Variants in UNC5C observed in about 807,000 individuals in gnomAD.
UNC5C encodes the protein netrin receptor UNC5C.
In UNC5C, 47 loss-of-function variants were observed where a neutral mutation model predicts 99.8. The ratio of observed to expected loss-of-function variants is 0.47; its 90% confidence interval spans 0.37 to 0.60. The LOEUF is 0.60. Ranked by LOEUF, UNC5C falls within the 20% of genes least tolerant of loss-of-function variation. UNC5C has a pLI of 0.00. For missense variants in UNC5C, 1,062 were observed against 1,165.9 expected, an observed-to-expected ratio of 0.91 and a Z score of 1.30; for synonymous variants, 487 against 452.2, an observed-to-expected ratio of 1.08 and a Z score of -0.98.
At chr4:95,400,973 A>G (rs1175761305) in intron 1 of UNC5C, among the ~76,000 whole-genome samples, 1 of 152,238 alleles carries the variant, frequency 6.6e-6, no homozygotes, top group Non-Finnish European at 1.5e-5. Flanking sequence ...AATTGCCAGC[A>G]AACGGATTCT....
At chr4:95,244,316 G>A (rs1424783540) in intron 6 of UNC5C, among the ~76,000 whole-genome samples, 1 of 152,114 alleles carries the variant, frequency 6.6e-6, no homozygotes, top group Non-Finnish European at 1.5e-5. Flanking sequence ...GATTTACCTA[G>A]GGATAAGAGC....
At chr4:95,292,768 A>G (rs1438839690) in intron 3 of UNC5C, among the ~76,000 whole-genome samples, 1 of 152,218 alleles carries the variant, frequency 6.6e-6, no homozygotes, top group Non-Finnish European at 1.5e-5. Flanking sequence ...CACATTGAAT[A>G]GTATCTTCAC....
chr4:95,391,341 T>C (rs1407444011), intron 1 of UNC5C, among the ~76,000 whole-genome samples: 2 of 152,222 alleles, frequency 1.3e-5, no homozygotes, highest in Non-Finnish European at 2.9e-5. Flanking sequence ...ACTCAAGTGA[T>C]CCTTCTGCCT....
intron 1 of UNC5C, among the ~76,000 whole-genome samples, chr4:95,445,731 A>C (rs1015447664): frequency 6.6e-6 from 1 of 152,296 alleles, no homozygotes; most frequent in Non-Finnish European, 1.5e-5. Context: ...AAAAGCAATA[A>C]ATGAATTTTC....
intron 7 of UNC5C, among the ~76,000 whole-genome samples, chr4:95,227,162 T>G (rs984072347): frequency 6.6e-6 from 1 of 151,710 alleles, no homozygotes. Flanking sequence ...TTTAAATATT[T>G]ATTTCGAGAT....
intron 1 of UNC5C, among the ~76,000 whole-genome samples, chr4:95,345,590 T>G (rs1462776263): frequency 1.3e-5 from 2 of 152,118 alleles, no homozygotes; most frequent in East Asian, 1.9e-4. Context: ...TTCTCAAGGA[T>G]AGACCATGTG....
intron 1 of UNC5C, among the ~76,000 whole-genome samples, chr4:95,408,607 A>G (rs752370560): frequency 2.6e-5 from 4 of 152,214 alleles, no homozygotes; most frequent in Non-Finnish European, 5.9e-5. Flanking sequence ...TACTAACTGA[A>G]CACTGAACCG....
chr4:95,524,515 A>T (rs1722448320), intron 1 of UNC5C, among the ~76,000 whole-genome samples: 1 of 152,128 alleles, frequency 6.6e-6, no homozygotes, highest in Admixed American at 6.5e-5. Flanking sequence ...TTAAAATAAA[A>T]ATTGAGATCT....
intron 4 of UNC5C, among the ~76,000 whole-genome samples, chr4:95,259,143 C>T (rs1034821914): frequency 4.6e-5 from 7 of 152,034 alleles, no homozygotes; most frequent in Admixed American, 3.3e-4. Context: ...AAACTGAACT[C>T]TGCGATTTTG....
intron 1 of UNC5C, among the ~76,000 whole-genome samples, chr4:95,425,742 C>A (rs555534040): frequency 1.3e-5 from 2 of 152,074 alleles, no homozygotes; most frequent in Non-Finnish European, 2.9e-5. Flanking sequence ...AAAATGATTT[C>A]TTAGTAGTTA....
chr4:95,273,818 C>T (rs937687664), intron 4 of UNC5C, among the ~76,000 whole-genome samples: 2 of 152,064 alleles, frequency 1.3e-5, no homozygotes, highest in African/African-American at 4.8e-5. Flanking sequence ...GGCCTTGGTT[C>T]CTGGTCCTAG....
chr4:95,174,428 T>A (rs1191320440), intron 14 of UNC5C, among the ~76,000 whole-genome samples: 1 of 152,194 alleles, frequency 6.6e-6, no homozygotes, highest in East Asian at 1.9e-4. Context: ...GTCCCAGAGA[T>A]TCTGGTATGT....
At chr4:95,272,420 T>G (rs957987771) in intron 4 of UNC5C, among the ~76,000 whole-genome samples, 1 of 152,266 alleles carries the variant, frequency 6.6e-6, no homozygotes, top group Non-Finnish European at 1.5e-5. Flanking sequence ...TGCTTTAAAA[T>G]GCATGTTTAT....
At chr4:95,176,075 C>T (rs1736329387) in intron 14 of UNC5C, among the ~76,000 whole-genome samples, 1 of 151,442 alleles carries the variant, frequency 6.6e-6, no homozygotes, top group Non-Finnish European at 1.5e-5. Context: ...AGTTCTTGAG[C>T]CTTGGTTTTC....
At chr4:95,485,975 T>G (rs2149479702) in intron 1 of UNC5C, among the ~76,000 whole-genome samples, 1 of 151,816 alleles carries the variant, frequency 6.6e-6, no homozygotes, top group East Asian at 2.0e-4. Context: ...TGACATAAAA[T>G]GATTTTATAA....
Position 95,168,638 on chromosome 4 carries a change from G to A in UNC5C, c.*596C>T, listed in dbSNP as rs1175572753. On this transcript the variant is annotated 3_prime_UTR_variant, in exon 16 of 16. Coordinates refer to ENST00000453304, the MANE Select transcript of UNC5C (RefSeq NM_003728.4). ...TTACACTTAGATTCTCCACTTCCCT[G>A]ATACAAACAGTAACACTGGTTCTAC... is the stretch of plus-strand genomic sequence containing the variant. The A allele has an allele frequency of 1.3e-5, 2 of 152,558 alleles. No individual in the cohort carries two copies. Among genetic ancestry groups the A allele is most frequent in the Non-Finnish European group, 2.9e-5 (2 of 68,066 alleles). The allele number at this position is 152,558 out of a possible 1,614,324, so 9.5% of individuals were successfully genotyped here. A position where few individuals can be genotyped will look rare whatever the true frequency, so the allele number is the denominator to read the frequency against.
Position 95,216,147 on chromosome 4 carries a change from A to G in UNC5C, c.1710T>C (p.Thr570=), listed in dbSNP as rs1253245832. 6.2e-7 allele frequency: 1 copy of G among 1,613,714 alleles called. No individual in the cohort carries two copies. Among genetic ancestry groups the G allele is most frequent in the Non-Finnish European group, 8.5e-7 (1 of 1,179,898 alleles). ...PQGRVYEMYV[T]VHRKETMRPP... is the part of the protein sequence containing the mutation. ...ACCTCATAGTTTCTTTCCTGTGTAC[A>G]GTCACATACATTTCGTAGACTCTCC... is the stretch of plus-strand genomic sequence containing the variant. Residue 570 remains threonine (T), a synonymous_variant, in exon 10 of 16, where the codon ACT becomes ACC. Coordinates refer to ENST00000453304, the MANE Select transcript of UNC5C (RefSeq NM_003728.4).
intron 1 of UNC5C, among the ~76,000 whole-genome samples, chr4:95,519,065 C>G (rs1395627780): frequency 6.6e-6 from 1 of 152,080 alleles, no homozygotes; most frequent in African/African-American, 2.4e-5. Flanking sequence ...ATGGACCATA[C>G]TTTGGGAAAC....
chr4:95,267,413 A>G (rs2149389291), intron 4 of UNC5C, among the ~76,000 whole-genome samples: 1 of 152,354 alleles, frequency 6.6e-6, no homozygotes, highest in East Asian at 1.9e-4. Flanking sequence ...ATAATCTGAC[A>G]TTCAAGTCTT....
Sources: gnomAD v4.1 joint callset for allele counts (sites outside exome capture counted in the v4.1 genomes callset) on GRCh38, gnomAD v4.1.1 for gene constraint, MANE v1.5 for transcripts, NCBI Gene and HGNC (gene_info 2026-07-23, HGNC 2026-07-21) for gene names.